The following KIAA1671 variants were observed in gnomAD, a reference collection of about 807,000 sequenced individuals.
KIAA1671 encodes KIAA1671, also known as uncharacterized protein KIAA1671.
A neutral mutation model predicts 131.2 loss-of-function variants in KIAA1671; 52 were observed. That is an observed-to-expected ratio of 0.40 (90% CI 0.32 to 0.50). The LOEUF is 0.50. Among genes scored for constraint, KIAA1671 ranks in the 20% least tolerant of loss-of-function variants. KIAA1671 has a pLI of 0.73. For synonymous variants in KIAA1671, 1,003 were observed against 961.6 expected, an observed-to-expected ratio of 1.04 and a Z score of -0.80; for missense variants, 2,360 against 2,364.2, an observed-to-expected ratio of 1.00 and a Z score of 0.04.
chr22:25,122,493 A>T (rs920934522), intron 6 of KIAA1671, among the ~76,000 whole-genome samples: 7 of 152,182 alleles, frequency 4.6e-5, no homozygotes, highest in African/African-American at 1.7e-4. Context: ...AACTGCCCTG[A>T]GCTGCCACTC....
At chr22:25,185,224 C>G in intron 11 of KIAA1671, 105 bp downstream of exon 11, 1 of 1,218,142 alleles carries the variant, frequency 8.2e-7, no homozygotes, top group Non-Finnish European at 1.1e-6. Context: ...AGAGTTACAA[C>G]TTTTTAATTT....
rs1009917182 is a variant in KIAA1671, at chr22:25,177,989, T to G, written c.5074+467T>G. Among the ~76,000 whole-genome samples, 3 of 152,266 alleles carry G rather than the reference T, an allele frequency of 2.0e-5. No individual in the cohort carries two copies. In the East Asian group the frequency reaches 5.8e-4, roughly 29 times the overall value. ...TCCCTGGTGTGGCTCTGGAAGACGC[T>G]GGCAGTGCCCGGCCAAGGCCTCCCG... On this transcript the variant is annotated intron_variant, in intron 9 of 12. Transcript: ENST00000358431.
At chr22:25,067,958 G>A (rs920765770) in intron 6 of KIAA1671, among the ~76,000 whole-genome samples, 3 of 152,268 alleles carry the variant, frequency 2.0e-5, no homozygotes, top group Admixed American at 1.3e-4. Flanking sequence ...GCAGCGCCAG[G>A]GGTACAGCCA....
chr22:25,002,336 C>T (rs1471895539), intron 1 of KIAA1671, among the ~76,000 whole-genome samples: 1 of 152,088 alleles, frequency 6.6e-6, no homozygotes, highest in African/African-American at 2.4e-5. Context: ...TTTTGGGGAG[C>T]TGACTCTGGC....
chr22:25,077,450 C>T (rs1929172860), intron 6 of KIAA1671, among the ~76,000 whole-genome samples: 1 of 152,176 alleles, frequency 6.6e-6, no homozygotes, highest in Non-Finnish European at 1.5e-5. Flanking sequence ...ACCCCCACCT[C>T]CTGTCCCATG....
chr22:25,190,872 G>T, intron 12 of KIAA1671, 88 bp downstream of exon 12: 1 of 901,188 alleles, frequency 1.1e-6, no homozygotes. Context: ...CAGAGACTGG[G>T]GCTGTTGTAC....
chr22:25,147,155 CTATTTTATTTTATTT>C (rs10526199), intron 6 of KIAA1671, among the ~76,000 whole-genome samples: 12,097 of 138,934 alleles, frequency 0.087, 1,179 homozygotes, highest in African/African-American at 0.24. Flanking sequence ...TTATTTTTTA[CTATTTTATTTTATTT>C]TATTTTATTT....
chr22:25,049,077 A>C, intron 5 of KIAA1671, 153 bp from the exon 6 acceptor site: 1 of 930,518 alleles, frequency 1.1e-6, no homozygotes, highest in South Asian at 1.8e-5. Context: ...ACCGCCCTAC[A>C]TGTTACCTCT....
chr22:25,050,242 G>C (rs1927464589), intron 6 of KIAA1671: 1 of 152,246 alleles, frequency 6.6e-6, no homozygotes, highest in East Asian at 1.9e-4. Context: ...AGGGACAGCT[G>C]TCCCATTCAG....
chr22:25,174,092 AG>A, intron 7 of KIAA1671, 147 bp from the exon 8 acceptor site: 1 of 869,902 alleles, frequency 1.1e-6, no homozygotes, highest in Non-Finnish European at 1.7e-6. Context: ...GTTTCCAAAG[AG>A]GGTCTTCTGC....
chr22:25,106,206 GAGCCCC>G (rs1310257465), intron 6 of KIAA1671, among the ~76,000 whole-genome samples: 3 of 152,222 alleles, frequency 2.0e-5, no homozygotes, highest in Admixed American at 6.5e-5. Context: ...GGTTTCAGCT[GAGCCCC>G]AGCCTCAGCC....
intron 6 of KIAA1671, among the ~76,000 whole-genome samples, chr22:25,129,522 C>A (rs36114649): frequency 0.3 from 44,207 of 148,328 alleles, 6,564 homozygotes; most frequent in South Asian, 0.37. Flanking sequence ...AAAAAAAAAA[C>A]CCACAGATTC....
At position 25,029,037 on chromosome 22, in the gene KIAA1671, G is replaced by A; in HGVS notation, c.1038G>A (p.Glu346=). The change falls in exon 3 of 13, where the codon GAG becomes GAA. Residue 346 remains glutamate, a synonymous_variant. Coordinates refer to ENST00000358431, the MANE Select transcript of KIAA1671 (RefSeq NM_001145206.2). The stretch of plus-strand genomic sequence containing the variant: ...ATGATCCTGATTTGGACTTCCTGGA[G>A]GTGGCCAAGAAAATCCGTGAACGGA... ...PLHDPDLDFL[E]VAKKIRERKE... 1 of 1,506,760 alleles carries A rather than the reference G, an allele frequency of 6.6e-7. No homozygotes were observed. Among genetic ancestry groups the A allele is most frequent in the Non-Finnish European group, 8.9e-7 (1 of 1,126,846 alleles). 93.3% of individuals were successfully genotyped at this position (1,506,760 alleles called of 1,614,324 possible). A position where few individuals can be genotyped will look rare whatever the true frequency, so the allele number is the denominator to read the frequency against.
intron 1 of KIAA1671, among the ~76,000 whole-genome samples, chr22:24,957,127 T>A (rs936889400): frequency 1.1e-4 from 17 of 152,170 alleles, no homozygotes; most frequent in African/African-American, 3.9e-4. Flanking sequence ...TTATTATCAC[T>A]ATAGCCTGTC....
At chr22:25,189,126 C>CTTTTTTTTTTTTTTTTTTTTTTTTTGT (rs200226589) in intron 11 of KIAA1671, among the ~76,000 whole-genome samples, 1 of 114,886 alleles carries the variant, frequency 8.7e-6, no homozygotes, top group African/African-American at 3.4e-5. Context: ...CAGTCTTTTT[C>CTTTTTTTTTTTTTTTTTTTTTTTTTGT]TTTTTTTTTT....
At position 25,170,931 on chromosome 22, in the gene KIAA1671, G is replaced by A; in HGVS notation, c.4642G>A (p.Gly1548Arg). The change falls in exon 7 of 13, where the codon GGG (glycine) becomes AGG (arginine). Residue 1548 changes from glycine to arginine, a missense_variant. By Grantham distance (125) the Gly-to-Arg change is moderately radical. Coordinates refer to ENST00000358431, the MANE Select transcript of KIAA1671 (RefSeq NM_001145206.2). ...GACGTGGACAGAGCAGTGCCAGAGT[G>A]GGGAGAGGTAGGACGCGTGCGACGG... ...YGTWTEQCQS[G>R]ESLATESPDS... 1 of 1,551,632 alleles carries A rather than the reference G, an allele frequency of 6.4e-7. No homozygotes were observed. The highest frequency in any genetic ancestry group is 2.4e-5 in the East Asian group (1 of 40,916).
intron 1 of KIAA1671, among the ~76,000 whole-genome samples, chr22:24,976,513 G>C (rs1026564371): frequency 3.9e-5 from 6 of 152,190 alleles, no homozygotes; most frequent in African/African-American, 9.6e-5. Flanking sequence ...GTCCATGTTG[G>C]GGTGCGGAAG....
chr22:25,141,892 A>G (rs1601351549), intron 6 of KIAA1671, among the ~76,000 whole-genome samples: 1 of 152,274 alleles, frequency 6.6e-6, no homozygotes, highest in East Asian at 1.9e-4. Flanking sequence ...TGGCTCGGTG[A>G]TGTGTTAGCT....
chr22:24,983,170 G>A (rs1923321035), intron 1 of KIAA1671, among the ~76,000 whole-genome samples: 2 of 152,180 alleles, frequency 1.3e-5, no homozygotes, highest in Admixed American at 6.5e-5. Flanking sequence ...CTTTAGCTGA[G>A]CTTCGGCTTG....
Sources: gnomAD v4.1 joint callset for allele counts (sites outside exome capture counted in the v4.1 genomes callset) on GRCh38, gnomAD v4.1.1 for gene constraint, MANE v1.5 for transcripts, NCBI Gene and HGNC (gene_info 2026-07-23, HGNC 2026-07-21) for gene names.